CUX1: variants seen among roughly 807,000 people sequenced by gnomAD.
The protein encoded by CUX1 is protein CASP.
In CUX1, 31 loss-of-function variants were observed where a neutral mutation model predicts 158.8. That is an observed-to-expected ratio of 0.20 (90% CI 0.15 to 0.26). The LOEUF is 0.26. Ranked by LOEUF, CUX1 falls within the 10% of genes least tolerant of loss-of-function variation. CUX1 has a pLI of 1.00. For missense variants in CUX1, 1,589 were observed against 2,014.6 expected (o/e 0.79, Z 4.04); for synonymous variants, 879 against 862.1 (o/e 1.02, Z -0.34).
intron 14 of CUX1, among the ~76,000 whole-genome samples, chr7:102,269,554 C>T (rs980532692): frequency 2.0e-5 from 3 of 150,822 alleles, no homozygotes; most frequent in Non-Finnish European, 4.4e-5. Flanking sequence ...TACAGGGGTC[C>T]GCCACCATGC....
intron 10 of CUX1, among the ~76,000 whole-genome samples, chr7:102,171,849 A>G (rs1791751580): frequency 6.6e-6 from 1 of 152,174 alleles, no homozygotes; most frequent in East Asian, 1.9e-4. Context: ...AGGCCGCTCT[A>G]TGGAGCCCTC....
intron 2 of CUX1, among the ~76,000 whole-genome samples, chr7:101,935,423 G>A (rs888399430): frequency 4.6e-5 from 7 of 152,134 alleles, no homozygotes; most frequent in Non-Finnish European, 7.4e-5. Context: ...CTTTTCACAC[G>A]GACGTGAGTG....
intron 21 of CUX1, among the ~76,000 whole-genome samples, chr7:102,228,295 A>G (rs961717693): frequency 1.3e-5 from 2 of 152,074 alleles, no homozygotes; most frequent in African/African-American, 4.8e-5. Context: ...AGTCTGAGTA[A>G]GTCCAGATTT....
At chr7:102,208,900 G>A (rs1381351415) in intron 20 of CUX1, among the ~76,000 whole-genome samples, 2 of 152,364 alleles carry the variant, frequency 1.3e-5, no homozygotes, top group East Asian at 3.9e-4. Context: ...CTCAGTGCTT[G>A]AGATTCTGGG....
At chr7:102,086,653 A>G (rs1827985096) in intron 4 of CUX1, among the ~76,000 whole-genome samples, 1 of 151,426 alleles carries the variant, frequency 6.6e-6, no homozygotes, top group Non-Finnish European at 1.5e-5. Context: ...TCTGTCGCCC[A>G]GAGTTGAGTG....
At chr7:102,275,683 G>A (rs1301131031) in intron 17 of CUX1, among the ~76,000 whole-genome samples, 2 of 152,154 alleles carry the variant, frequency 1.3e-5, no homozygotes, top group Non-Finnish European at 2.9e-5. Flanking sequence ...GGGGCACCAA[G>A]GAAGGATTTA....
At position 102,252,168 on chromosome 7, in the gene CUX1, A is replaced by G. The variant is rs1224413355; in HGVS notation, c.*3126A>G. The G allele has an allele frequency of 1.1e-5, 11 of 985,258 alleles. No homozygotes were observed. In the African/African-American group the frequency reaches 1.9e-4, roughly 17 times the overall value. The allele number at this position is 985,258 out of a possible 1,614,324, so 61.0% of individuals were successfully genotyped here. Reference sequence around the variant, plus strand: ...TCCTAACCTTAGATCTTTGATGTGAAGCTAGCACTGTCTGTAATACTTCTA... The same window carrying G: ...TCCTAACCTTAGATCTTTGATGTGAGGCTAGCACTGTCTGTAATACTTCTA... On this transcript the variant is annotated 3_prime_UTR_variant, in exon 24 of 24. Coordinates refer to ENST00000292535, the MANE Select transcript of CUX1 (RefSeq NM_181552.4).
chr7:102,271,987 A>C (rs1791246705), intron 14 of CUX1, among the ~76,000 whole-genome samples: 1 of 152,164 alleles, frequency 6.6e-6, no homozygotes, highest in African/African-American at 2.4e-5. Flanking sequence ...GAGCCACTGC[A>C]CTCCAGCCTG....
intron 2 of CUX1, among the ~76,000 whole-genome samples, chr7:102,017,385 C>T (rs1415438945): frequency 6.6e-6 from 1 of 151,936 alleles, no homozygotes; most frequent in Non-Finnish European, 1.5e-5. Context: ...TGCCCCGAAC[C>T]TAGCACCATC....
intron 16 of CUX1, among the ~76,000 whole-genome samples, chr7:102,274,678 C>A (rs1014630648): frequency 6.6e-6 from 1 of 152,234 alleles, no homozygotes; most frequent in African/African-American, 2.4e-5. Context: ...TGACACCCCC[C>A]ACCTTGGGGC....
intron 23 of CUX1, 34 bp downstream of exon 23, chr7:102,239,618 G>A (rs1276976749): frequency 1.9e-6 from 3 of 1,594,874 alleles, no homozygotes; most frequent in Non-Finnish European, 2.6e-6. Flanking sequence ...GCGCCGGTCG[G>A]CCCAGGGGAA....
chr7:102,181,425 G>T (rs1793072771), intron 11 of CUX1, among the ~76,000 whole-genome samples: 1 of 152,166 alleles, frequency 6.6e-6, no homozygotes, highest in African/African-American at 2.4e-5. Context: ...GCGTGACTCA[G>T]ATACACACCG....
intron 2 of CUX1, 45 bp from the exon 3 acceptor site, chr7:102,028,053 C>G: frequency 1.2e-6 from 2 of 1,608,150 alleles, no homozygotes; most frequent in Middle Eastern, 4.5e-4. Context: ...TCCCTTCTTT[C>G]TCCTTCTCAA....
chr7:102,239,363 C>T lies in CUX1; in HGVS notation c.3666C>T (p.Pro1222=). Residue 1222 remains proline, a synonymous_variant, in exon 23 of 24, where the codon CCC becomes CCT. Transcript: ENST00000292535. ...RRHSSVSDSQ[P]CEPPSVGTEY... is the part of the protein sequence containing the mutation. ...ACAGCTCAGTCAGTGACAGCCAGCC[C>T]TGCGAACCGCCCTCTGTCGGCACCG... The T allele has an allele frequency of 2.5e-6, 4 of 1,612,386 alleles. No individual in the cohort carries two copies. The highest frequency in any genetic ancestry group is 3.4e-6 in the Non-Finnish European group (4 of 1,179,456).
chr7:102,273,246 ACT>A, intron 14 of CUX1: 1 of 1,356,548 alleles, frequency 7.4e-7, no homozygotes. Flanking sequence ...AATAGCCAGC[ACT>A]CTCACAGCAT....
chr7:102,168,812 C>G (rs1234392384), intron 9 of CUX1, among the ~76,000 whole-genome samples: 8 of 152,016 alleles, frequency 5.3e-5, no homozygotes, highest in Admixed American at 4.6e-4. Context: ...TGAGTCCTTT[C>G]TCAGCCATTG....
chr7:102,235,303 C>T (rs1554532254), intron 22 of CUX1, among the ~76,000 whole-genome samples: 14 of 152,208 alleles, frequency 9.2e-5, no homozygotes, highest in Non-Finnish European at 5.9e-5. Flanking sequence ...GGCGGCTGAA[C>T]TGCATCCCTT....
chr7:102,257,865 C>T lies in CUX1; in HGVS notation c.*8823C>T. 1 of 980,910 alleles carries T rather than the reference C, an allele frequency of 1.0e-6. No individual in the cohort carries two copies. Among genetic ancestry groups the T allele is most frequent in the Non-Finnish European group, 1.2e-6 (1 of 828,956 alleles). The allele number at this position is 980,910 out of a possible 1,614,324, so 60.8% of individuals were successfully genotyped here. A position where few individuals can be genotyped will look rare whatever the true frequency, so the allele number is the denominator to read the frequency against. ...CCAATCCTCACAGAGACCCAATTGA[C>T]CAAAAAAGAAAAAAGGAAAAAAAAA... On this transcript the variant is annotated 3_prime_UTR_variant, in exon 24 of 24. Coordinates refer to ENST00000292535, the MANE Select transcript of CUX1 (RefSeq NM_181552.4).
At chr7:102,205,263 G>T in intron 20 of CUX1, 93 bp downstream of exon 20, 1 of 931,994 alleles carries the variant, frequency 1.1e-6, no homozygotes, top group South Asian at 1.3e-5. Context: ...GACTCCGAGG[G>T]ACCGCACATT....
Sources: allele counts gnomAD v4.1 joint callset (sites outside exome capture counted in the v4.1 genomes callset), GRCh38; gene constraint gnomAD v4.1.1; transcripts MANE v1.5; gene names NCBI Gene and HGNC (gene_info 2026-07-23, HGNC 2026-07-21).